Variants in CTNNA2 observed in about 807,000 individuals in gnomAD.
CTNNA2 encodes catenin alpha 2, also known as catenin alpha-2.
A neutral mutation model predicts 101.0 loss-of-function variants in CTNNA2; 42 were observed. That is an observed-to-expected ratio of 0.42 (90% CI 0.32 to 0.54). The LOEUF (loss-of-function observed/expected upper bound fraction) is 0.54. Ranked by LOEUF, CTNNA2 falls within the 20% of genes least tolerant of loss-of-function variation. The probability of loss-of-function intolerance (pLI) is 0.14; values close to 1 mark genes in which losing one functional copy is unlikely to be tolerated. For missense variants in CTNNA2, 871 were observed against 1,223.1 expected (o/e 0.71, Z 4.29); for synonymous variants, 450 against 456.4 (o/e 0.99, Z 0.18).
At chr2:80,466,308 G>A (rs1192518977) in intron 9 of CTNNA2, among the ~76,000 whole-genome samples, 1 of 152,060 alleles carries the variant, frequency 6.6e-6, no homozygotes, top group African/African-American at 2.4e-5. Context: ...GCAAAAGCGT[G>A]CCTGTTTCTC....
At chr2:79,647,758 C>T (rs940294891) in intron 1 of CTNNA2, among the ~76,000 whole-genome samples, 1 of 152,188 alleles carries the variant, frequency 6.6e-6, no homozygotes, top group African/African-American at 2.4e-5. Flanking sequence ...ATCTCAGTGG[C>T]ATGCAACATA....
intron 7 of CTNNA2, among the ~76,000 whole-genome samples, chr2:80,037,353 G>T (rs1574603830): frequency 6.6e-6 from 1 of 152,122 alleles, no homozygotes; most frequent in Non-Finnish European, 1.5e-5. Context: ...CCTTCTAATT[G>T]TGGTGCTGTC....
At chr2:79,551,551 A>G (rs1190102953) in intron 1 of CTNNA2, among the ~76,000 whole-genome samples, 1 of 152,170 alleles carries the variant, frequency 6.6e-6, no homozygotes, top group Non-Finnish European at 1.5e-5. Context: ...CAAGCTGTCA[A>G]TTTACATTGT....
chr2:79,988,642 G>A (rs1691942069), intron 7 of CTNNA2, among the ~76,000 whole-genome samples: 1 of 152,120 alleles, frequency 6.6e-6, no homozygotes, highest in Non-Finnish European at 1.5e-5. Context: ...AAGAAACTAA[G>A]GCTCATTGAA....
chr2:79,957,334 A>G (rs1220363529), intron 7 of CTNNA2, among the ~76,000 whole-genome samples: 1 of 152,170 alleles, frequency 6.6e-6, no homozygotes, highest in African/African-American at 2.4e-5. Context: ...TACAGAAAGC[A>G]TCTTCCATGT....
At chr2:80,047,603 G>A (rs1402278921) in intron 7 of CTNNA2, among the ~76,000 whole-genome samples, 1 of 152,160 alleles carries the variant, frequency 6.6e-6, no homozygotes, top group African/African-American at 2.4e-5. Flanking sequence ...CATGGGCTCA[G>A]TGTCTGCCCA....
intron 9 of CTNNA2, among the ~76,000 whole-genome samples, chr2:80,520,528 G>C (rs572613018): frequency 6.6e-6 from 1 of 152,276 alleles, no homozygotes; most frequent in East Asian, 1.9e-4. Context: ...CATGGTGCTA[G>C]CATGGTCGGG....
intron 3 of CTNNA2, among the ~76,000 whole-genome samples, chr2:79,803,056 G>A (rs1362760731): frequency 6.6e-6 from 1 of 151,930 alleles, no homozygotes; most frequent in South Asian, 2.1e-4. Context: ...GTGTTATATT[G>A]GTATTTATTT....
chr2:79,803,256 C>T (rs1340245144), intron 3 of CTNNA2, among the ~76,000 whole-genome samples: 1 of 152,080 alleles, frequency 6.6e-6, no homozygotes, highest in East Asian at 1.9e-4. Context: ...TCAGGGAGAC[C>T]CTAACCCAGC....
intron 1 of CTNNA2, among the ~76,000 whole-genome samples, chr2:79,579,793 T>C (rs1463056972): frequency 6.6e-6 from 1 of 152,042 alleles, no homozygotes; most frequent in Non-Finnish European, 1.5e-5. Context: ...TTTGTATTTT[T>C]AGTAGAGACG....
intron 4 of CTNNA2, among the ~76,000 whole-genome samples, chr2:79,474,251 T>C (rs1671029409): frequency 6.6e-6 from 1 of 152,186 alleles, no homozygotes; most frequent in South Asian, 2.1e-4. Flanking sequence ...ACAACCCAAA[T>C]GTCCCTGAAC....
At chr2:79,982,232 A>AT (rs1392372453) in intron 7 of CTNNA2, among the ~76,000 whole-genome samples, 12 of 97,596 alleles carry the variant, frequency 1.2e-4, no homozygotes, top group African/African-American at 5.4e-4. Flanking sequence ...ATATATATAT[A>AT]TATATATATG....
At chr2:79,403,711 A>G (rs1678312613) in intron 4 of CTNNA2, among the ~76,000 whole-genome samples, 1 of 151,992 alleles carries the variant, frequency 6.6e-6, no homozygotes. Flanking sequence ...AGAAAATTAA[A>G]AGCAATGAGA....
At position 80,285,029 on chromosome 2, in the gene CTNNA2, C is replaced by T. The variant is rs537183571; in HGVS notation, c.1057-108182C>T. 9.9e-5 allele frequency among the ~76,000 whole-genome samples: 15 copies of T among 152,212 alleles called. No homozygotes were observed. The South Asian group carries it at 1.0e-3, about 11-fold the overall frequency. On this transcript the variant is annotated intron_variant, in intron 7 of 18. Coordinates refer to ENST00000402739, the MANE Select transcript of CTNNA2 (RefSeq NM_001282597.3). ...TTGTCTGTAGGCCAAAAAGGAGGGG[C>T]TCTTTCTTCTAGACATCACTTTCTT...
chr2:79,345,112 A>ATT (rs1413041310), intron 3 of CTNNA2, among the ~76,000 whole-genome samples: 1 of 148,094 alleles, frequency 6.8e-6, no homozygotes, highest in East Asian at 2.1e-4. Context: ...TTTTTTTAAA[A>ATT]AAAAAAGCAA....
At chr2:79,386,746 A>G (rs1678110216) in intron 4 of CTNNA2, among the ~76,000 whole-genome samples, 1 of 152,230 alleles carries the variant, frequency 6.6e-6, no homozygotes, top group South Asian at 2.1e-4. Context: ...AATAATTCCC[A>G]CATGCATGCT....
chr2:79,348,939 AGCCTTTT>A, intron 3 of CTNNA2, among the ~76,000 whole-genome samples: 1 of 152,318 alleles, frequency 6.6e-6, no homozygotes, highest in African/African-American at 2.4e-5. Context: ...CTGATATATC[AGCCTTTT>A]TGTAGGCCAG....
At chr2:80,020,337 T>C (rs960904531) in intron 7 of CTNNA2, among the ~76,000 whole-genome samples, 3 of 152,172 alleles carry the variant, frequency 2.0e-5, no homozygotes, top group Non-Finnish European at 4.4e-5. Context: ...CTGGATGACT[T>C]GTATCTCCCA....
intron 7 of CTNNA2, among the ~76,000 whole-genome samples, chr2:79,971,951 C>G (rs899921607): frequency 2.6e-5 from 4 of 152,162 alleles, no homozygotes; most frequent in African/African-American, 9.6e-5. Flanking sequence ...TTGAAAACCT[C>G]ATTGCTCCAC....
Sources: allele counts gnomAD v4.1 joint callset (sites outside exome capture counted in the v4.1 genomes callset), GRCh38; gene constraint gnomAD v4.1.1; transcripts MANE v1.5; gene names NCBI Gene and HGNC (gene_info 2026-07-23, HGNC 2026-07-21).